DOCK1: variants seen among roughly 807,000 people sequenced by gnomAD.
DOCK1 encodes the protein dedicator of cytokinesis protein 1.
A neutral mutation model predicts 262.7 loss-of-function variants in DOCK1; 138 were observed. The ratio of observed to expected loss-of-function variants is 0.53; its 90% CI spans 0.46 to 0.61. The LOEUF (loss-of-function observed/expected upper bound fraction) is 0.61. DOCK1 is among the 20% of genes least tolerant of loss of function. DOCK1 has a pLI of 0.00. For missense variants in DOCK1, 1,908 were observed against 2,370.7 expected (o/e 0.80, Z 4.05); for synonymous variants, 866 against 867.4 (o/e 1.00, Z 0.03).
chr10:127,146,172 T>C (rs1277520622), intron 27 of DOCK1: 4 of 371,910 alleles, frequency 1.1e-5, no homozygotes, highest in African/African-American at 2.2e-5. Context: ...GTTTTGGACA[T>C]TGGTAAATGC....
At chr10:127,385,743 GC>G (rs2066076332) in intron 38 of DOCK1, among the ~76,000 whole-genome samples, 1 of 152,316 alleles carries the variant, frequency 6.6e-6, no homozygotes, top group African/African-American at 2.4e-5. Context: ...GGGAAAATCT[GC>G]CCCGTGCCTT....
intron 28 of DOCK1, among the ~76,000 whole-genome samples, chr10:127,249,739 G>C (rs1053287974): frequency 6.6e-6 from 1 of 152,198 alleles, no homozygotes; most frequent in Non-Finnish European, 1.5e-5. Context: ...CATATACACA[G>C]TCTGTCATTG....
intron 39 of DOCK1, among the ~76,000 whole-genome samples, chr10:127,403,759 A>C (rs2067357978): frequency 6.6e-6 from 1 of 152,166 alleles, no homozygotes; most frequent in Non-Finnish European, 1.5e-5. Context: ...AGTCCGTCTC[A>C]AAAAACAAAA....
intron 28 of DOCK1, among the ~76,000 whole-genome samples, chr10:127,251,737 T>C (rs1344615535): frequency 3.3e-5 from 5 of 150,214 alleles, no homozygotes; most frequent in Non-Finnish European, 7.4e-5. Context: ...CTGCATAGTA[T>C]TCCATGGTGT....
At chr10:126,991,170 G>C (rs2039757041) in intron 6 of DOCK1, among the ~76,000 whole-genome samples, 1 of 152,136 alleles carries the variant, frequency 6.6e-6, no homozygotes, top group Non-Finnish European at 1.5e-5. Context: ...ATCCATAGCA[G>C]GCATCCCCCC....
chr10:127,329,054 G>A (rs2062863875), intron 29 of DOCK1, among the ~76,000 whole-genome samples: 1 of 151,968 alleles, frequency 6.6e-6, no homozygotes, highest in Non-Finnish European at 1.5e-5. Flanking sequence ...TACATCCACA[G>A]TGTTGCTCAG....
At chr10:127,160,810 T>C (rs2053533952) in intron 27 of DOCK1, among the ~76,000 whole-genome samples, 1 of 152,238 alleles carries the variant, frequency 6.6e-6, no homozygotes, top group Admixed American at 6.5e-5. Context: ...TTGATCTCTC[T>C]TGTTCTTTCA....
chr10:127,282,597 A>T (rs2061001332), intron 29 of DOCK1, among the ~76,000 whole-genome samples: 1 of 152,144 alleles, frequency 6.6e-6, no homozygotes, highest in African/African-American at 2.4e-5. Context: ...AGGCCAGTGA[A>T]CACCCACAAG....
At chr10:126,953,507 AAT>A (rs2036498198) in intron 1 of DOCK1, among the ~76,000 whole-genome samples, 1 of 149,506 alleles carries the variant, frequency 6.7e-6, no homozygotes, top group South Asian at 2.2e-4. Flanking sequence ...CAGTTTTGGT[AAT>A]GTTGGTGGTG....
intron 47 of DOCK1, among the ~76,000 whole-genome samples, chr10:127,429,093 G>A (rs61870356): frequency 0.069 from 10,488 of 151,212 alleles, 513 homozygotes; most frequent in Non-Finnish European, 0.1. Context: ...TTGGGGTGCC[G>A]TGTGGATTGG....
chr10:127,063,713 A>C (rs2045683664), intron 23 of DOCK1, among the ~76,000 whole-genome samples: 1 of 152,226 alleles, frequency 6.6e-6, no homozygotes, highest in Non-Finnish European at 1.5e-5. Context: ...TTTTGAGCCC[A>C]GCAGTAATTT....
chr10:127,427,894 C>G (rs983500767), intron 47 of DOCK1, among the ~76,000 whole-genome samples: 4 of 152,358 alleles, frequency 2.6e-5, no homozygotes, highest in Non-Finnish European at 5.9e-5. Context: ...CCCAACAAAG[C>G]CAACATAACA....
Position 127,024,699 on chromosome 10 carries a change from G to A in DOCK1, c.1467G>A (p.Pro489=), listed in dbSNP as rs757628736. The part of the protein sequence containing the change: ...DGKRLEHVIF[P]GAGDEAISEY... Reference sequence around the variant, plus strand: ...TTCTTTTAAAGCATGTGATTTTCCCGGGTGCTGGTGATGAAGCGATTTCAG... The same window carrying A: ...TTCTTTTAAAGCATGTGATTTTCCCAGGTGCTGGTGATGAAGCGATTTCAG... Residue 489 remains proline, a synonymous_variant, in exon 15 of 52, where the codon CCG becomes CCA. Coordinates refer to ENST00000623213, the MANE Select transcript of DOCK1 (RefSeq NM_001290223.2). 3.7e-6 allele frequency: 6 copies of A among 1,611,050 alleles called. No homozygotes were observed. In the Admixed American group the frequency reaches 6.7e-5, roughly 18 times the overall value.
At chr10:127,102,697 G>A (rs1182388633) in intron 23 of DOCK1, among the ~76,000 whole-genome samples, 2 of 152,058 alleles carry the variant, frequency 1.3e-5, no homozygotes, top group East Asian at 1.9e-4. Flanking sequence ...AAAATTAGCC[G>A]GGTGTGGTGG....
chr10:127,082,451 G>A (rs1480240757), intron 23 of DOCK1, among the ~76,000 whole-genome samples: 3 of 152,152 alleles, frequency 2.0e-5, no homozygotes, highest in Non-Finnish European at 4.4e-5. Context: ...GCCAAGGCAT[G>A]TCTTACATGG....
chr10:127,079,286 T>C (rs1200871432), intron 23 of DOCK1, among the ~76,000 whole-genome samples: 1 of 152,240 alleles, frequency 6.6e-6, no homozygotes, highest in African/African-American at 2.4e-5. Flanking sequence ...TCCTTCAGAC[T>C]GAAACTTTCT....
intron 27 of DOCK1, among the ~76,000 whole-genome samples, chr10:127,195,523 T>TCC (rs144810960): frequency 5.3e-4 from 78 of 148,262 alleles, no homozygotes; most frequent in South Asian, 3.9e-3. Flanking sequence ...TTCCAACTCA[T>TCC]CCCCCCCCCG....
At chr10:127,375,338 C>T (rs2065429755) in intron 35 of DOCK1, among the ~76,000 whole-genome samples, 1 of 152,218 alleles carries the variant, frequency 6.6e-6, no homozygotes, top group Non-Finnish European at 1.5e-5. Flanking sequence ...CCTTGCCTGT[C>T]CCATGGCAAG....
chr10:126,977,858 CCAAA>C, intron 2 of DOCK1, 86 bp from the exon 3 acceptor site: 2 of 1,296,000 alleles, frequency 1.5e-6, no homozygotes, highest in South Asian at 1.2e-5. Context: ...ACTGGTTCTG[CCAAA>C]CAGTGAGTTC....
Sources: gnomAD v4.1 joint callset for allele counts (sites outside exome capture counted in the v4.1 genomes callset) on GRCh38, gnomAD v4.1.1 for gene constraint, MANE v1.5 for transcripts, NCBI Gene and HGNC (gene_info 2026-07-23, HGNC 2026-07-21) for gene names.